NAALADL2: variants seen among roughly 807,000 people sequenced by gnomAD.
NAALADL2 encodes inactive N-acetylated-alpha-linked acidic dipeptidase-like protein 2.
In NAALADL2, 76 loss-of-function variants were observed where a neutral mutation model predicts 87.2. The observed-to-expected ratio is 0.87, with a 90% CI of 0.72 to 1.05. The LOEUF is 1.05. NAALADL2 is among the 50% of genes least tolerant of loss of function. NAALADL2 has a pLI of 0.00. For synonymous variants in NAALADL2, 354 were observed against 331.0 expected, an observed-to-expected ratio of 1.07 and a Z score of -0.75; for missense variants, 1,089 against 945.8, an observed-to-expected ratio of 1.15 and a Z score of -1.99.
intron 1 of NAALADL2, among the ~76,000 whole-genome samples, chr3:174,520,065 TG>T (rs1452477941): frequency 2.6e-5 from 4 of 152,146 alleles, no homozygotes; most frequent in Non-Finnish European, 5.9e-5. Flanking sequence ...AAATTGTGGA[TG>T]ATATAAACAA....
chr3:174,798,678 A>G (rs543597303), intron 3 of NAALADL2, among the ~76,000 whole-genome samples: 1 of 151,982 alleles, frequency 6.6e-6, no homozygotes, highest in Non-Finnish European at 1.5e-5. Flanking sequence ...TTTTGATGCT[A>G]TGTTAAATGA....
At chr3:174,925,219 C>G (rs938375534) in intron 1 of NAALADL2, among the ~76,000 whole-genome samples, 3 of 152,158 alleles carry the variant, frequency 2.0e-5, no homozygotes, top group African/African-American at 7.2e-5. Context: ...ACATTTAAAT[C>G]TTTAATCCAT....
intron 11 of NAALADL2, chr3:175,718,097 C>G: frequency 1.4e-6 from 1 of 724,548 alleles, no homozygotes; most frequent in Non-Finnish European, 2.1e-6. Context: ...AGCTTCCTTT[C>G]CAGTACTTTG....
At chr3:175,633,716 T>G (rs1219427383) in intron 11 of NAALADL2, among the ~76,000 whole-genome samples, 1 of 151,912 alleles carries the variant, frequency 6.6e-6, no homozygotes, top group Non-Finnish European at 1.5e-5. Context: ...ATTTGTCCTT[T>G]CATTGCTTTT....
At chr3:175,154,783 TAAAC>T (rs1315769365) in intron 2 of NAALADL2, among the ~76,000 whole-genome samples, 5 of 152,112 alleles carry the variant, frequency 3.3e-5, no homozygotes, top group African/African-American at 9.7e-5. Context: ...ATAGATAAAT[TAAAC>T]AAAATATAGC....
intron 1 of NAALADL2, among the ~76,000 whole-genome samples, chr3:175,058,898 G>T (rs1183985310): frequency 6.6e-6 from 1 of 152,120 alleles, no homozygotes; most frequent in East Asian, 1.9e-4. Flanking sequence ...GTAGTGAATA[G>T]ATTAGATGGC....
At chr3:174,650,138 A>G (rs77304070) in intron 2 of NAALADL2, among the ~76,000 whole-genome samples, 5,071 of 152,200 alleles carry the variant, frequency 0.033, 226 homozygotes, top group African/African-American at 0.1. Context: ...CCTTCAGATG[A>G]TGGTGAAATG....
chr3:174,743,023 C>G (rs1285620381), intron 3 of NAALADL2, among the ~76,000 whole-genome samples: 1 of 151,478 alleles, frequency 6.6e-6, no homozygotes, highest in African/African-American at 2.4e-5. Flanking sequence ...ATATATAATT[C>G]ACTTTTATTT....
chr3:174,957,407 T>TC (rs1741308104), intron 1 of NAALADL2, among the ~76,000 whole-genome samples: 1 of 152,026 alleles, frequency 6.6e-6, no homozygotes, highest in Admixed American at 6.6e-5. Context: ...AAGCTTGTTA[T>TC]CATTTGTGAG....
At chr3:175,100,742 G>T (rs537839348) in intron 2 of NAALADL2, among the ~76,000 whole-genome samples, 2 of 151,388 alleles carry the variant, frequency 1.3e-5, no homozygotes, top group South Asian at 4.2e-4. Flanking sequence ...GGAGGCTGAG[G>T]CAGGGAGAAT....
chr3:174,739,215 A>G (rs868543321), intron 3 of NAALADL2, among the ~76,000 whole-genome samples: 14 of 151,958 alleles, frequency 9.2e-5, no homozygotes, highest in African/African-American at 3.4e-4. Flanking sequence ...TGCCTTTTGA[A>G]CCTATATTTT....
At chr3:175,440,623 A>G (rs1394564080) in intron 5 of NAALADL2, among the ~76,000 whole-genome samples, 1 of 152,046 alleles carries the variant, frequency 6.6e-6, no homozygotes, top group African/African-American at 2.4e-5. Context: ...TATATTCCTA[A>G]GTATTTAATT....
chr3:174,640,213 C>A (rs1395550755), intron 2 of NAALADL2, among the ~76,000 whole-genome samples: 1 of 152,228 alleles, frequency 6.6e-6, no homozygotes, highest in Non-Finnish European at 1.5e-5. Context: ...ATGCTCTTAG[C>A]TCCTGCCCTT....
At chr3:175,748,270 T>C (rs1469632792) in intron 12 of NAALADL2, among the ~76,000 whole-genome samples, 1 of 152,232 alleles carries the variant, frequency 6.6e-6, no homozygotes, top group Non-Finnish European at 1.5e-5. Flanking sequence ...AGATGATTCA[T>C]TGTGATTCAT....
At chr3:175,612,559 C>T (rs2149677237) in intron 10 of NAALADL2, among the ~76,000 whole-genome samples, 1 of 152,154 alleles carries the variant, frequency 6.6e-6, no homozygotes, top group African/African-American at 2.4e-5. Context: ...GATTCTTTTG[C>T]CCTTAACTTT....
chr3:175,082,400 T>C (rs1354322263), intron 1 of NAALADL2, among the ~76,000 whole-genome samples: 1 of 152,238 alleles, frequency 6.6e-6, no homozygotes. Context: ...CTAATTTGAC[T>C]ATCATAAAAT....
At chr3:175,093,429 T>A (rs11918034) in intron 1 of NAALADL2, among the ~76,000 whole-genome samples, 18 of 146,094 alleles carry the variant, frequency 1.2e-4, no homozygotes, top group Non-Finnish European at 4.5e-5. Flanking sequence ...TATATATATA[T>A]ATATGTTTTA....
rs192983892 is a variant in NAALADL2 at position 174,851,807 on chromosome 3, T to C, written c.-9+114061T>C. Among the ~76,000 whole-genome samples, 263 of 152,210 alleles carry C rather than the reference T, an allele frequency of 1.7e-3. 2 individuals are homozygous for C. Among genetic ancestry groups the C allele is most frequent in the Non-Finnish European group, 3.0e-3 (203 of 67,940 alleles). On this transcript the variant is annotated intron_variant, in intron 3 of 3. Transcript: ENST00000434257. ...AAGTACATGCTACTATTTCTGATGATCATAGATTCCAAAATCTTCAATGAA... is the reference window on the plus strand; with the variant it reads ...AAGTACATGCTACTATTTCTGATGACCATAGATTCCAAAATCTTCAATGAA...
intron 3 of NAALADL2, among the ~76,000 whole-genome samples, chr3:174,741,742 A>T (rs919006362): frequency 2.0e-5 from 3 of 151,766 alleles, no homozygotes; most frequent in Non-Finnish European, 4.4e-5. Flanking sequence ...AGATCTTTGC[A>T]TATAGCTCTT....
Sources: allele counts gnomAD v4.1 joint callset (sites outside exome capture counted in the v4.1 genomes callset), GRCh38; gene constraint gnomAD v4.1.1; transcripts MANE v1.5; gene names NCBI Gene and HGNC (gene_info 2026-07-23, HGNC 2026-07-21).